Variants in ANKIB1 observed in about 807,000 individuals in gnomAD.
ANKIB1 encodes the protein ankyrin repeat and IBR domain-containing protein 1.
Under a neutral mutation model 122.1 loss-of-function variants are expected in ANKIB1, and 43 were observed. The ratio of observed to expected loss-of-function variants is 0.35; its 90% CI spans 0.28 to 0.45. The LOEUF is 0.45. ANKIB1 is among the 20% of genes least tolerant of loss of function. ANKIB1 has a pLI of 1.00. For synonymous variants in ANKIB1, 390 were observed against 442.0 expected, an observed-to-expected ratio of 0.88 and a Z score of 1.48; for missense variants, 992 against 1,329.5, an observed-to-expected ratio of 0.75 and a Z score of 3.95.
At chr7:92,335,934 T>G (rs965504924) in intron 5 of ANKIB1, among the ~76,000 whole-genome samples, 3 of 152,104 alleles carry the variant, frequency 2.0e-5, no homozygotes, top group Non-Finnish European at 4.4e-5. Context: ...AATTCTTCTT[T>G]GCATTTTATT....
At chr7:92,258,699 T>G (rs912081116) in intron 1 of ANKIB1, among the ~76,000 whole-genome samples, 1 of 152,112 alleles carries the variant, frequency 6.6e-6, no homozygotes, top group African/African-American at 2.4e-5. Flanking sequence ...AAACTTCAGC[T>G]CATAAGAGAA....
Position 92,294,922 on chromosome 7 carries a change from T to C in ANKIB1, c.-57T>C. The C allele has an allele frequency of 7.5e-7, 1 of 1,338,552 alleles. No homozygotes were observed. Among genetic ancestry groups the C allele is most frequent in the Admixed American group, 2.4e-5 (1 of 42,394 alleles). The allele number at this position is 1,338,552 out of a possible 1,614,324, so 82.9% of individuals were successfully genotyped here. The stretch of plus-strand genomic sequence containing the variant: ...AGATGTTGCAGAAGTGTTCCAGAAG[T>C]GGCTGAAGATAGAAGGAAAAAAGTG... On this transcript the variant is annotated 5_prime_UTR_variant, in exon 2 of 20. Transcript: ENST00000265742.
Position 92,322,342 on chromosome 7 carries a change from A to G in ANKIB1, c.669+2830A>G, listed in dbSNP as rs544919557. On this transcript the variant is annotated intron_variant, in intron 4 of 19. Coordinates refer to ENST00000265742, the MANE Select transcript of ANKIB1 (RefSeq NM_019004.2). ...ATATAACTAATATTATGTTAAGAAA[A>G]AAGTTACAGAAAAGTTTGATGCTAA... Among the ~76,000 whole-genome samples, 4 of 152,266 alleles carry G rather than the reference A, an allele frequency of 2.6e-5. 1 individual carries two copies. In the South Asian group the frequency reaches 8.3e-4, roughly 32 times the overall value.
At chr7:92,252,307 T>G (rs944782507) in intron 1 of ANKIB1, among the ~76,000 whole-genome samples, 1 of 152,144 alleles carries the variant, frequency 6.6e-6, no homozygotes, top group African/African-American at 2.4e-5. Context: ...AATTAACCAC[T>G]CTTATGATGA....
At chr7:92,376,452 A>ATT (rs548431066) in intron 11 of ANKIB1, among the ~76,000 whole-genome samples, 12,912 of 135,810 alleles carry the variant, frequency 0.095, 786 homozygotes, top group East Asian at 0.35. Context: ...TTTATTTTTT[A>ATT]TTTTTTTTTT....
In ANKIB1 at chr7:92,351,056, A is replaced by G. The variant is rs1409198697; in HGVS notation, c.1192A>G (p.Lys398Glu). ...PVDIIESVVS[K>E]EMDKRYLQFD... Reference sequence around the variant, plus strand: ...GGATATCATAGAAAGTGTAGTTTCAAAGGAGATGGACAAACGATACCTACA... The same window carrying G: ...GGATATCATAGAAAGTGTAGTTTCAGAGGAGATGGACAAACGATACCTACA... The change falls in exon 8 of 20, where the codon AAG becomes GAG. Residue 398 changes from lysine (K) to glutamate (E), a missense_variant. Transcript: ENST00000265742. 1 of 1,588,944 alleles carries G rather than the reference A, an allele frequency of 6.3e-7. No homozygotes were observed. Among genetic ancestry groups the G allele is most frequent in the African/African-American group, 1.3e-5 (1 of 74,668 alleles).
intron 3 of ANKIB1, among the ~76,000 whole-genome samples, chr7:92,309,942 A>AAAAAAAAAATATATAT (rs1335765681): frequency 1.1e-5 from 1 of 91,818 alleles, no homozygotes; most frequent in East Asian, 4.6e-4. Flanking sequence ...AAAAAAAAAA[A>AAAAAAAAAATATATAT]ATATATATAT....
intron 11 of ANKIB1, among the ~76,000 whole-genome samples, chr7:92,378,500 A>C (rs1433850791): frequency 6.6e-6 from 1 of 150,750 alleles, no homozygotes; most frequent in Non-Finnish European, 1.5e-5. Context: ...AAAAAAAATC[A>C]ACAATCATTC....
chr7:92,258,770 T>C (rs1452138950), intron 1 of ANKIB1, among the ~76,000 whole-genome samples: 1 of 152,016 alleles, frequency 6.6e-6, no homozygotes, highest in African/African-American at 2.4e-5. Context: ...GCAGGATGGG[T>C]TGGAATGGGA....
At chr7:92,384,350 A>G (rs1562799140) in intron 11 of ANKIB1, among the ~76,000 whole-genome samples, 1 of 152,220 alleles carries the variant, frequency 6.6e-6, no homozygotes, top group Admixed American at 6.5e-5. Context: ...CCATCAAGCT[A>G]CCAATGACTT....
chr7:92,291,735 C>T (rs922933122), intron 1 of ANKIB1, among the ~76,000 whole-genome samples: 9 of 151,910 alleles, frequency 5.9e-5, no homozygotes, highest in Admixed American at 2.6e-4. Context: ...CGCCACCACG[C>T]CCGGCTAATT....
chr7:92,360,152 T>A, intron 9 of ANKIB1, among the ~76,000 whole-genome samples: 1 of 152,098 alleles, frequency 6.6e-6, no homozygotes, highest in East Asian at 1.9e-4. Context: ...CTATAACATT[T>A]CATAACCACT....
In ANKIB1 at chr7:92,381,192, A is replaced by G. The variant is rs186697252; in HGVS notation, c.1618-5317A>G. 5.2e-4 allele frequency among the ~76,000 whole-genome samples: 79 copies of G among 152,314 alleles called. 1 individual carries two copies. The highest frequency in any genetic ancestry group is 1.9e-3 in the African/African-American group (79 of 41,576). Reference sequence around the variant, plus strand: ...GACGCAAGTAGGGAAGTTGGGAGAAAAAAGAGTAAAAAGAAATGAACGAAG... The same window carrying G: ...GACGCAAGTAGGGAAGTTGGGAGAAGAAAGAGTAAAAAGAAATGAACGAAG... On this transcript the variant is annotated intron_variant, in intron 11 of 19. Transcript: ENST00000265742.
At chr7:92,356,713 C>T (rs776464781) in intron 9 of ANKIB1, among the ~76,000 whole-genome samples, 58 of 152,168 alleles carry the variant, frequency 3.8e-4, no homozygotes, top group Middle Eastern at 3.2e-3. Flanking sequence ...AGTCAACATA[C>T]AGTGCAAGTT....
intron 11 of ANKIB1, among the ~76,000 whole-genome samples, 155 bp downstream of exon 11, chr7:92,371,762 G>GA (rs1804259507): frequency 6.6e-6 from 1 of 152,128 alleles, no homozygotes; most frequent in Admixed American, 6.5e-5. Context: ...AGGATCACTT[G>GA]AGGCCAGGGG....
intron 5 of ANKIB1, among the ~76,000 whole-genome samples, chr7:92,336,527 A>G (rs1240485210): frequency 6.6e-6 from 1 of 152,016 alleles, no homozygotes; most frequent in Admixed American, 6.6e-5. Context: ...AGTAATTTGG[A>G]ATTGGATCTT....
intron 10 of ANKIB1, among the ~76,000 whole-genome samples, chr7:92,370,105 T>G (rs1804200884): frequency 6.6e-6 from 1 of 152,080 alleles, no homozygotes; most frequent in African/African-American, 2.4e-5. Context: ...AGCAATTGGA[T>G]TTTATCTTGT....
chr7:92,390,096 GAAATTTTTGAACT>G lies in ANKIB1; in HGVS notation c.2035_2047del (p.Ile679CysfsTer5). On this transcript the variant is annotated frameshift_variant, in exon 15 of 20. Transcript: ENST00000265742. LOFTEE classifies it high-confidence loss of function. ...CTTGGAACCTAAAAGCACAAAGAAAGAAATTTTTGAACTAATGCAAGTAAGATTTTTTTAATTA... is the reference window on the plus strand; with the variant it reads ...CTTGGAACCTAAAAGCACAAAGAAAGAATGCAAGTAAGATTTTTTTAATTA... 1 of 1,580,930 alleles carries G rather than the reference GAAATTTTTGAACT, an allele frequency of 6.3e-7. No individual in the cohort carries two copies. The highest frequency in any genetic ancestry group is 8.6e-7 in the Non-Finnish European group (1 of 1,168,916).
intron 3 of ANKIB1, among the ~76,000 whole-genome samples, chr7:92,316,728 A>G (rs1802800216): frequency 6.6e-6 from 1 of 150,696 alleles, no homozygotes; most frequent in African/African-American, 2.4e-5. Flanking sequence ...TCCCCTCTTC[A>G]CACACATTTT....
Sources: gnomAD v4.1 joint callset for allele counts (sites outside exome capture counted in the v4.1 genomes callset) on GRCh38, gnomAD v4.1.1 for gene constraint, MANE v1.5 for transcripts, NCBI Gene and HGNC (gene_info 2026-07-23, HGNC 2026-07-21) for gene names.